Variants in LRRTM4 observed in about 807,000 individuals in gnomAD.
LRRTM4 encodes leucine-rich repeat transmembrane neuronal protein 4.
Under a neutral mutation model 47.6 loss-of-function variants are expected in LRRTM4, and 25 were observed. The observed-to-expected ratio is 0.53, with a 90% CI of 0.38 to 0.73. The LOEUF is 0.73. LRRTM4 is among the 30% of genes least tolerant of loss of function. The probability of loss-of-function intolerance (pLI) is 0.00; values close to 1 mark genes in which losing one functional copy is unlikely to be tolerated. For missense variants in LRRTM4, 638 were observed against 713.4 expected, an observed-to-expected ratio of 0.89 and a Z score of 1.20; for synonymous variants, 311 against 269.5, an observed-to-expected ratio of 1.15 and a Z score of -1.51.
At chr2:77,091,927 G>C (rs1670655112) in intron 3 of LRRTM4, among the ~76,000 whole-genome samples, 2 of 144,102 alleles carry the variant, frequency 1.4e-5, no homozygotes, top group Non-Finnish European at 3.0e-5. Context: ...GGTTAGCGCG[G>C]TCAGAATTCT....
At chr2:76,788,434 A>C (rs1173895742) in intron 3 of LRRTM4, among the ~76,000 whole-genome samples, 1 of 152,192 alleles carries the variant, frequency 6.6e-6, no homozygotes, top group East Asian at 1.9e-4. Flanking sequence ...TCAGAACAAA[A>C]ATAAGCTTTA....
At chr2:77,385,471 C>T (rs565571012) in intron 3 of LRRTM4, among the ~76,000 whole-genome samples, 41 of 152,234 alleles carry the variant, frequency 2.7e-4, no homozygotes, top group Non-Finnish European at 4.4e-4. Context: ...TGATTCTTTG[C>T]TTCTTAATTA....
intron 3 of LRRTM4, among the ~76,000 whole-genome samples, chr2:77,499,164 C>T (rs951135241): frequency 8.6e-5 from 13 of 151,930 alleles, no homozygotes; most frequent in African/African-American, 2.7e-4. Flanking sequence ...GATTGGCATG[C>T]GGATACTGAT....
intron 3 of LRRTM4, among the ~76,000 whole-genome samples, chr2:77,119,061 A>G (rs1671460523): frequency 1.3e-5 from 2 of 151,850 alleles, no homozygotes; most frequent in African/African-American, 4.8e-5. Context: ...TAATTTGTGT[A>G]TATCCAGCCA....
At chr2:77,266,513 T>G (rs1327557614) in intron 3 of LRRTM4, among the ~76,000 whole-genome samples, 1 of 152,100 alleles carries the variant, frequency 6.6e-6, no homozygotes, top group Admixed American at 6.6e-5. Flanking sequence ...ATATTTTAAC[T>G]GATGTTTTGG....
At chr2:76,807,420 A>G (rs1390572081) in intron 3 of LRRTM4, among the ~76,000 whole-genome samples, 11 of 86,422 alleles carry the variant, frequency 1.3e-4, no homozygotes, top group African/African-American at 5.3e-4. Context: ...ATATATATAT[A>G]TATACATATA....
intron 3 of LRRTM4, among the ~76,000 whole-genome samples, chr2:76,843,561 T>C (rs1671749841): frequency 6.6e-6 from 1 of 152,186 alleles, no homozygotes; most frequent in Non-Finnish European, 1.5e-5. Context: ...TATTTCATAA[T>C]AACAATAAAT....
chr2:77,159,928 T>A (rs1003096075), intron 3 of LRRTM4, among the ~76,000 whole-genome samples: 1 of 152,204 alleles, frequency 6.6e-6, no homozygotes, highest in African/African-American at 2.4e-5. Flanking sequence ...CTAACACAAT[T>A]CAGATTGTGT....
chr2:77,214,571 C>A (rs1441481158), intron 3 of LRRTM4, among the ~76,000 whole-genome samples: 1 of 151,982 alleles, frequency 6.6e-6, no homozygotes, highest in East Asian at 1.9e-4. Flanking sequence ...TAAAAAAGAG[C>A]TATGAAAAGA....
chr2:77,103,879 TCTC>T (rs1458340748), intron 3 of LRRTM4, among the ~76,000 whole-genome samples: 2 of 152,004 alleles, frequency 1.3e-5, no homozygotes, highest in African/African-American at 4.8e-5. Context: ...GAAAGCCTAT[TCTC>T]CTAGAATTTA....
chr2:76,984,642 C>A (rs912511553), intron 3 of LRRTM4, among the ~76,000 whole-genome samples: 5 of 151,926 alleles, frequency 3.3e-5, no homozygotes, highest in African/African-American at 4.8e-5. Flanking sequence ...AGGTCAAGGA[C>A]TGACACATTA....
chr2:76,944,269 C>T (rs1384841129), intron 3 of LRRTM4, among the ~76,000 whole-genome samples: 1 of 152,110 alleles, frequency 6.6e-6, no homozygotes, highest in Non-Finnish European at 1.5e-5. Flanking sequence ...GACTCATCTT[C>T]CTATGTCATC....
At chr2:77,123,177 C>A (rs1553393767) in intron 3 of LRRTM4, among the ~76,000 whole-genome samples, 2 of 142,582 alleles carry the variant, frequency 1.4e-5, no homozygotes, top group Non-Finnish European at 3.0e-5. Context: ...ATGAACAAGC[C>A]AAAAAAAAGT....
chr2:77,248,978 G>A (rs902024038), intron 3 of LRRTM4, among the ~76,000 whole-genome samples: 2 of 152,062 alleles, frequency 1.3e-5, no homozygotes, highest in East Asian at 1.9e-4. Context: ...AGATGAACTA[G>A]GGTTGGTGAT....
chr2:77,310,943 G>C (rs142188827), intron 3 of LRRTM4, among the ~76,000 whole-genome samples: 249 of 151,558 alleles, frequency 1.6e-3, no homozygotes, highest in African/African-American at 5.9e-3. Flanking sequence ...TATATATAGA[G>C]AGAATATTAT....
intron 3 of LRRTM4, among the ~76,000 whole-genome samples, chr2:77,065,089 A>C (rs1181489031): frequency 4.6e-5 from 7 of 152,234 alleles, no homozygotes; most frequent in Non-Finnish European, 1.0e-4. Context: ...ATTGAAAAAC[A>C]ACCATGTATC....
intron 3 of LRRTM4, among the ~76,000 whole-genome samples, chr2:77,360,328 G>A (rs552070808): frequency 1.3e-5 from 2 of 152,090 alleles, no homozygotes. Context: ...GTGGTGGCAG[G>A]TGCCTGTTGT....
chr2:77,479,885 T>G (rs1201654843), intron 3 of LRRTM4, among the ~76,000 whole-genome samples: 3 of 152,212 alleles, frequency 2.0e-5, no homozygotes, highest in Non-Finnish European at 2.9e-5. Context: ...CAGCTGATAT[T>G]TGAATAATAA....
chr2:77,050,126 G>A (rs1385155257), intron 3 of LRRTM4, among the ~76,000 whole-genome samples: 1 of 128,016 alleles, frequency 7.8e-6, no homozygotes, highest in African/African-American at 3.9e-5. Flanking sequence ...TTAGAACCAA[G>A]TCTTTTTTTT....
Sources: gnomAD v4.1 joint callset for allele counts (sites outside exome capture counted in the v4.1 genomes callset) on GRCh38, gnomAD v4.1.1 for gene constraint, MANE v1.5 for transcripts, NCBI Gene and HGNC (gene_info 2026-07-23, HGNC 2026-07-21) for gene names.